Variants in PCNX3 observed in about 807,000 individuals in gnomAD.
The protein encoded by PCNX3 is pecanex 3, also known as pecanex-like protein 3.
PCNX3 carries 58 observed loss-of-function variants against 207.2 expected under a neutral mutation model. The ratio of observed to expected loss-of-function variants is 0.28; its 90% CI spans 0.23 to 0.35. PCNX3 has a LOEUF of 0.35. Among genes scored for constraint, PCNX3 ranks in the 10% least tolerant of loss-of-function variants. The pLI is 1.00. For synonymous variants in PCNX3, 1,337 were observed against 1,183.5 expected (o/e 1.13, Z -2.66); for missense variants, 2,410 against 2,774.4 (o/e 0.87, Z 2.95).
chr11:65,636,992 C>A lies in PCNX3; in HGVS notation c.*14C>A. ...CACCAGTACTGAGCTACCTGGCGCC[C>A]ACTGGACCACCTCCTAGGATTCAGT... On this transcript the variant is annotated 3_prime_UTR_variant, in exon 35 of 35. Coordinates refer to ENST00000355703, the MANE Select transcript of PCNX3 (RefSeq NM_032223.4). 6.4e-7 allele frequency: 1 copy of A among 1,559,606 alleles called. No homozygotes were observed.
At chr11:65,616,507 G>A (rs748135552) in intron 1 of PCNX3, 43 bp downstream of exon 1, 18 of 1,568,478 alleles carry the variant, frequency 1.1e-5, no homozygotes, top group Admixed American at 1.7e-5. Context: ...GGGAGAGGGA[G>A]GGCAGCCTGG....
At chr11:65,630,217 C>T (rs1300408779) in intron 26 of PCNX3, 134 bp from the exon 27 acceptor site, 24 of 1,304,710 alleles carry the variant, frequency 1.8e-5, no homozygotes, top group Non-Finnish European at 2.4e-5. Flanking sequence ...TCTTGGCATC[C>T]AATAAGGTTG....
chr11:65,626,233 C>A, intron 20 of PCNX3, 179 bp downstream of exon 20: 1 of 883,130 alleles, frequency 1.1e-6, no homozygotes, highest in Non-Finnish European at 1.8e-6. Flanking sequence ...TCTCCACCGA[C>A]TCTTCTCCTC....
chr11:65,618,871 G>A lies in PCNX3; in HGVS notation c.1509G>A (p.Val503=). The part of the protein sequence containing the change: ...STASAKTHAR[V]LSMDGAGGDV... ...CCAGCGCTAAAACACATGCCCGTGT[G>A]CTGAGCATGGATGGGGCTGGGGGTG... Residue 503 remains valine, a synonymous_variant, in exon 6 of 35, where the codon GTG becomes GTA. Transcript: ENST00000355703. 1 of 1,610,782 alleles carries A rather than the reference G, an allele frequency of 6.2e-7. No individual in the cohort carries two copies. Among genetic ancestry groups the A allele is most frequent in the Non-Finnish European group, 8.5e-7 (1 of 1,179,086 alleles).
chr11:65,626,827 G>A, intron 20 of PCNX3, 77 bp from the exon 21 acceptor site: 1 of 1,545,504 alleles, frequency 6.5e-7, no homozygotes, highest in Middle Eastern at 2.2e-4. Context: ...CGCACAGCCT[G>A]CCCTCCTAGG....
chr11:65,635,750 T>C lies in PCNX3; in HGVS notation c.5406T>C (p.Gly1802=). Residue 1802 remains glycine (G), a synonymous_variant, in exon 32 of 35, where the codon GGT becomes GGC. Transcript: ENST00000355703. This position sits in a 1 kb window ranked among gnomAD's most constrained non-coding sequence, Gnocchi z 9.9. ...GSHPQLRALW[G]GPISLGAIAH... is the part of the protein sequence containing the mutation. ...ACCCCCAGCTACGGGCACTGTGGGG[T>C]GGCCCCATCAGCCTGGGTGCCATTG... is the stretch of plus-strand genomic sequence containing the variant. The C allele has an allele frequency of 6.2e-7, 1 of 1,603,100 alleles. No individual in the cohort carries two copies. Among genetic ancestry groups the C allele is most frequent in the Non-Finnish European group, 8.5e-7 (1 of 1,175,536 alleles).
chr11:65,623,676 A>C, intron 12 of PCNX3, 32 bp downstream of exon 12: 2 of 1,599,566 alleles, frequency 1.3e-6, no homozygotes, highest in South Asian at 1.1e-5. Context: ...TTCCTTCCCC[A>C]CCCGACTTTT....
At chr11:65,622,086 C>T (rs1282561294) in intron 10 of PCNX3, 159 bp from the exon 11 acceptor site, 1 of 890,568 alleles carries the variant, frequency 1.1e-6, no homozygotes, top group Non-Finnish European at 1.3e-6. Context: ...TCCAGGGCCG[C>T]TAGACAGGGG....
At position 65,637,291 on chromosome 11, in the gene PCNX3, A is replaced by T. The variant is rs867479295; in HGVS notation, c.*313A>T. 5.2e-6 allele frequency: 2 copies of T among 386,448 alleles called. No individual in the cohort carries two copies. Among genetic ancestry groups the T allele is most frequent in the African/African-American group, 4.0e-5 (2 of 49,452 alleles). The allele number at this position is 386,448 out of a possible 1,614,324, so 23.9% of individuals were successfully genotyped here. The stretch of plus-strand genomic sequence containing the variant: ...GGACCACCTCAGCCCCTGGGCCTGC[A>T]CTGCCTGCAGGTGTGGCCCCCTTGG... On this transcript the variant is annotated 3_prime_UTR_variant, in exon 35 of 35. Transcript: ENST00000355703.
rs1440120876 is a variant in PCNX3 at position 65,625,267 on chromosome 11, C to T, written c.3016C>T (p.Pro1006Ser). The change falls in exon 17 of 35, where the codon CCC (proline) becomes TCC (serine). Residue 1006 changes from proline (P) to serine (S), a missense_variant. Pro to Ser is a moderately conservative substitution (Grantham distance 74, BLOSUM62 -1). Around this residue, in one of 8 missense-constraint regions of PCNX3, gnomAD observed 333 missense variants for 386.8 expected, o/e 0.86. Transcript: ENST00000355703. The surrounding 1 kb of genome is among the most constrained non-coding windows in gnomAD (Gnocchi z 5.6). Reference sequence around the variant, plus strand: ...CCACCTGAGCCGGCAGAGCAGCGACCCCACCGTGCTCTGGTGGGTGTGCTC... The same window carrying T: ...CCACCTGAGCCGGCAGAGCAGCGACTCCACCGTGCTCTGGTGGGTGTGCTC... Reference protein sequence around the residue: ...SYHLSRQSSDPTVLWSLIRSK... With the variant: ...SYHLSRQSSDSTVLWSLIRSK... 3.7e-6 allele frequency: 6 copies of T among 1,608,940 alleles called. No homozygotes were observed. The Admixed American group carries it at 6.7e-5, about 18-fold the overall frequency.
chr11:65,617,728 G>C, intron 5 of PCNX3, 22 bp downstream of exon 5: 2 of 1,550,700 alleles, frequency 1.3e-6, no homozygotes, highest in South Asian at 1.2e-5. Flanking sequence ...TTATGGGGCC[G>C]AGGCTTGTGG....
In PCNX3 at chr11:65,629,499, C is replaced by T. The variant is rs1253030659; in HGVS notation, c.4001-21C>T. On this transcript the variant is annotated intron_variant, in intron 25 of 34. Coordinates refer to ENST00000355703, the MANE Select transcript of PCNX3 (RefSeq NM_032223.4). ...GCTAACTTGTCACTTTGTCCATTTGCCCGTCTGTTCTGGGTCTTAGGCGCT... is the reference window on the plus strand; with the variant it reads ...GCTAACTTGTCACTTTGTCCATTTGTCCGTCTGTTCTGGGTCTTAGGCGCT... 5.0e-6 allele frequency: 8 copies of T among 1,612,786 alleles called. No homozygotes were observed. In the African/African-American group the frequency reaches 8.0e-5, roughly 16 times the overall value.
chr11:65,618,452 A>G lies in PCNX3; in HGVS notation c.1090A>G (p.Thr364Ala), dbSNP rs1854875839. 3.1e-6 allele frequency: 5 copies of G among 1,610,484 alleles called. No individual in the cohort carries two copies. In the East Asian group the frequency reaches 1.1e-4, roughly 36 times the overall value. The change falls in exon 6 of 35, where the codon ACG (threonine) becomes GCG (alanine). Residue 364 changes from threonine (T) to alanine (A), a missense_variant. Coordinates refer to ENST00000355703, the MANE Select transcript of PCNX3 (RefSeq NM_032223.4). ...AGATGACACGCTGCGTTCCTTTGAC[A>G]CGGTCATTGGAGCAGGGACGCCACC... is the stretch of plus-strand genomic sequence containing the variant. ...PSDDTLRSFD[T>A]VIGAGTPPGL...
At position 65,635,105 on chromosome 11, in the gene PCNX3, C is replaced by T. The variant is rs765599407; in HGVS notation, c.4938C>T (p.Ala1646=). The change falls in exon 30 of 35, where the codon GCC becomes GCT. Residue 1646 remains alanine (A), a synonymous_variant. Transcript: ENST00000355703. This position sits in a 1 kb window ranked among gnomAD's most constrained non-coding sequence, Gnocchi z 9.9. ...TTGTGGCGCCTGGGGTTCGCATGGC[C>T]CTCAAGCTTCACCAGGTTGGGGAGG... ...HRVVAPGVRM[A]LKLHQDHFTS... 8 of 1,613,304 alleles carry T rather than the reference C, an allele frequency of 5.0e-6. No homozygotes were observed. Among genetic ancestry groups the T allele is most frequent in the Non-Finnish European group, 6.8e-6 (8 of 1,179,594 alleles).
At position 65,632,158 on chromosome 11, in the gene PCNX3, A is replaced by G. The variant is rs546158701; in HGVS notation, c.4470+1554A>G. ...TGCACCTGGCCAGGTCTCTTGTCCC[A>G]TGGGGAAGCTGACTGGCCACATCTA... On this transcript the variant is annotated intron_variant, in intron 27 of 34. Transcript: ENST00000355703. Among the ~76,000 whole-genome samples the G allele has an allele frequency of 1.4e-4, 22 of 152,240 alleles. No homozygotes were observed. The South Asian group carries it at 3.9e-3, about 27-fold the overall frequency.
In PCNX3 at chr11:65,635,474, G is replaced by GCCCTGCCCCAAA. The variant is rs777261686; in HGVS notation, c.5184+30_5185-40dup. ...GTTGGGCCGGCCCCACCTGCCCTAAGCCCTGCCCCAAACCCCCTTGGGCCG... is the reference window on the plus strand; with the variant it reads ...GTTGGGCCGGCCCCACCTGCCCTAAGCCCTGCCCCAAACCCTGCCCCAAACCCCCTTGGGCCG... On this transcript the variant is annotated intron_variant, in intron 31 of 34. Coordinates refer to ENST00000355703, the MANE Select transcript of PCNX3 (RefSeq NM_032223.4). This position sits in a 1 kb window ranked among gnomAD's most constrained non-coding sequence, Gnocchi z 9.9. The GCCCTGCCCCAAA allele has an allele frequency of 7.5e-6, 12 of 1,607,300 alleles. No homozygotes were observed. In the East Asian group the frequency reaches 2.7e-4, roughly 36 times the overall value.
At position 65,636,619 on chromosome 11, in the gene PCNX3, G is replaced by A. The variant is rs539143148; in HGVS notation, c.5822G>A (p.Arg1941Gln). Residue 1941 changes from arginine to glutamine, a missense_variant, in exon 34 of 35, where the codon CGG becomes CAG. Around this residue, in one of 8 missense-constraint regions of PCNX3, gnomAD observed 278 missense variants for 245.1 expected, o/e 1.13. Coordinates refer to ENST00000355703, the MANE Select transcript of PCNX3 (RefSeq NM_032223.4). ...AGTGGAAAGTGGAGCCTGGGGGGCC[G>A]GAAGGGGCTGGGAGGATCTGACGGG... ...GPSGKWSLGG[R>Q]KGLGGSDGEP... The A allele has an allele frequency of 1.8e-5, 28 of 1,584,752 alleles. No individual in the cohort carries two copies. Among genetic ancestry groups the A allele is most frequent in the Admixed American group, 9.3e-5 (5 of 53,874 alleles).
Position 65,630,331 on chromosome 11 carries a change from T to C in PCNX3, c.4217-20T>C, listed in dbSNP as rs756025309. On this transcript the variant is annotated intron_variant, in intron 26 of 34. Coordinates refer to ENST00000355703, the MANE Select transcript of PCNX3 (RefSeq NM_032223.4). ...AGGGATTGTTCTAGCAGCCCCTGAC[T>C]GCACACCCCTCCTCCACAGGCACTT... 1.9e-6 allele frequency: 3 copies of C among 1,610,886 alleles called. No homozygotes were observed. Among genetic ancestry groups the C allele is most frequent in the Non-Finnish European group, 2.5e-6 (3 of 1,178,616 alleles).
In PCNX3 at chr11:65,630,586, C is replaced by T. The variant is rs376180228; in HGVS notation, c.4452C>T (p.Leu1484=). Residue 1484 remains leucine (L), a synonymous_variant, in exon 27 of 35, where the codon CTC becomes CTT. Transcript: ENST00000355703. ...AGGTTTTCGACCTCCGCAAGATCCT[C>T]ATCACCTACTATGTCAAGGTACGGT... ...MLQVFDLRKI[L]ITYYVKSIIY... is the part of the protein sequence containing the mutation. 8 of 1,611,330 alleles carry T rather than the reference C, an allele frequency of 5.0e-6. No homozygotes were observed. The highest frequency in any genetic ancestry group is 2.2e-5 in the East Asian group (1 of 44,812).
Sources: gnomAD v4.1 joint callset for allele counts (sites outside exome capture counted in the v4.1 genomes callset) on GRCh38, gnomAD v4.1.1 for gene constraint, gnomAD v4.1.1 regional missense constraint, Gnocchi (gnomAD v3.1) non-coding constraint, MANE v1.5 for transcripts, NCBI Gene and HGNC (gene_info 2026-07-23, HGNC 2026-07-21) for gene names.